Variants in LINGO2 observed in about 807,000 individuals in gnomAD.
The protein encoded by LINGO2 is leucine rich repeat and Ig domain containing 2.
A neutral mutation model predicts 30.6 loss-of-function variants in LINGO2; 14 were observed. The ratio of observed to expected loss-of-function variants is 0.46; its 90% confidence interval spans 0.30 to 0.72. The LOEUF (loss-of-function observed/expected upper bound fraction) is 0.72. Ranked by LOEUF, LINGO2 falls within the 30% of genes least tolerant of loss-of-function variation. LINGO2 has a pLI of 0.07. For missense variants in LINGO2, 729 were observed against 751.7 expected, an observed-to-expected ratio of 0.97 and a Z score of 0.35; for synonymous variants, 317 against 288.5, an observed-to-expected ratio of 1.10 and a Z score of -1.00.
the LINGO2 span, among the ~76,000 whole-genome samples, chr9:29,182,883 A>G: frequency 6.6e-6 from 1 of 152,170 alleles, no homozygotes; most frequent in Admixed American, 6.5e-5. Flanking sequence ...ATAAAAATCC[A>G]CCAAAATTAG....
chr9:28,592,419 A>C (rs1366685505), intron 1 of LINGO2, among the ~76,000 whole-genome samples: 1 of 152,076 alleles, frequency 6.6e-6, no homozygotes, highest in Non-Finnish European at 1.5e-5. Flanking sequence ...AGACTCAAGT[A>C]ATGTCCTAAG....
intron 4 of LINGO2, among the ~76,000 whole-genome samples, chr9:28,034,009 C>A (rs1823810292): frequency 6.6e-6 from 1 of 152,194 alleles, no homozygotes; most frequent in Admixed American, 6.5e-5. Context: ...TGTAGGTCTC[C>A]CTTCTAAGAG....
intron 4 of LINGO2, among the ~76,000 whole-genome samples, chr9:28,141,692 G>A (rs1445845585): frequency 6.6e-5 from 10 of 152,030 alleles, no homozygotes; most frequent in Admixed American, 2.6e-4. Context: ...TGAGGCGGGC[G>A]GATCACGAGG....
intron 1 of LINGO2, among the ~76,000 whole-genome samples, chr9:28,658,765 T>C (rs775683829): frequency 6.6e-6 from 1 of 152,062 alleles, no homozygotes; most frequent in Non-Finnish European, 1.5e-5. Context: ...TTTGGAGTAA[T>C]CACAGCAATA....
chr9:28,279,137 C>G (rs140753151), intron 4 of LINGO2, among the ~76,000 whole-genome samples: 1 of 152,092 alleles, frequency 6.6e-6, no homozygotes, highest in African/African-American at 2.4e-5. Context: ...ATGATCAAAC[C>G]TGAATGGATG....
chr9:28,343,074 G>C (rs1819420062), intron 3 of LINGO2, among the ~76,000 whole-genome samples: 1 of 152,102 alleles, frequency 6.6e-6, no homozygotes, highest in Non-Finnish European at 1.5e-5. Context: ...ATTTTATAAA[G>C]CATATGACAA....
chr9:28,642,931 T>C (rs1484468394), intron 1 of LINGO2, among the ~76,000 whole-genome samples: 1 of 152,104 alleles, frequency 6.6e-6, no homozygotes, highest in Non-Finnish European at 1.5e-5. Context: ...ATATATATGA[T>C]GAATAAATTA....
chr9:28,578,918 G>A (rs973824824), intron 1 of LINGO2, among the ~76,000 whole-genome samples: 5 of 152,130 alleles, frequency 3.3e-5, no homozygotes, highest in East Asian at 1.9e-4. Flanking sequence ...CCCAGTCATG[G>A]TATTGCACTA....
chr9:27,975,498 C>A (rs1278581611), intron 5 of LINGO2, among the ~76,000 whole-genome samples: 1 of 152,038 alleles, frequency 6.6e-6, no homozygotes, highest in Non-Finnish European at 1.5e-5. Flanking sequence ...AATATGATAA[C>A]ATGCTTATAA....
chr9:28,613,914 T>C (rs1160349858), intron 1 of LINGO2, among the ~76,000 whole-genome samples: 5 of 151,762 alleles, frequency 3.3e-5, no homozygotes, highest in African/African-American at 9.7e-5. Context: ...AATGAATGGA[T>C]ACCCAACTTT....
the LINGO2 span, among the ~76,000 whole-genome samples, chr9:28,748,974 A>G: frequency 1.3e-5 from 2 of 152,062 alleles, no homozygotes; most frequent in African/African-American, 4.8e-5. Context: ...TATTATGGTT[A>G]TAATTGTGAA....
At chr9:28,089,804 T>G (rs1005879037) in intron 4 of LINGO2, among the ~76,000 whole-genome samples, 2 of 151,980 alleles carry the variant, frequency 1.3e-5, no homozygotes, top group Non-Finnish European at 2.9e-5. Flanking sequence ...ATCAACAAAA[T>G]TGATAGACTG....
intron 1 of LINGO2, among the ~76,000 whole-genome samples, chr9:28,658,272 A>T (rs1315624566): frequency 1.3e-5 from 2 of 152,064 alleles, no homozygotes; most frequent in Non-Finnish European, 2.9e-5. Flanking sequence ...TGGTGTATAC[A>T]GTTGTTCAAG....
At chr9:28,801,191 T>C in the LINGO2 span, among the ~76,000 whole-genome samples, 3 of 152,050 alleles carry the variant, frequency 2.0e-5, no homozygotes, top group African/African-American at 4.8e-5. Context: ...ATTAGAGCTC[T>C]TGCCAATGGT....
At chr9:28,812,971 G>T in the LINGO2 span, among the ~76,000 whole-genome samples, 11 of 151,680 alleles carry the variant, frequency 7.3e-5, no homozygotes, top group Non-Finnish European at 1.3e-4. Context: ...TATTTCCAAC[G>T]GTTCTAAGAA....
the LINGO2 span, among the ~76,000 whole-genome samples, chr9:28,893,730 C>A: frequency 6.6e-6 from 1 of 151,372 alleles, no homozygotes; most frequent in East Asian, 1.9e-4. Flanking sequence ...GTTATTCACA[C>A]TTTTTTTTAA....
chr9:28,355,495 G>A (rs1250739055), intron 3 of LINGO2, among the ~76,000 whole-genome samples: 3 of 151,146 alleles, frequency 2.0e-5, no homozygotes, highest in Non-Finnish European at 2.9e-5. Flanking sequence ...AACTAAATGT[G>A]TTAGACACCA....
chr9:28,885,352 T>TACACACACACACACACAC, the LINGO2 span, among the ~76,000 whole-genome samples: 7 of 17,952 alleles, frequency 3.9e-4, no homozygotes, highest in Non-Finnish European at 1.1e-3. Context: ...CAGGGAGATA[T>TACACACACACACACACAC]ATATATATAC....
At chr9:28,565,081 C>A (rs1823296547) in intron 1 of LINGO2, among the ~76,000 whole-genome samples, 1 of 152,066 alleles carries the variant, frequency 6.6e-6, no homozygotes, top group African/African-American at 2.4e-5. Flanking sequence ...TTTTCTATTC[C>A]CTCCACCCGT....
Sources: allele counts gnomAD v4.1 joint callset (sites outside exome capture counted in the v4.1 genomes callset), GRCh38; gene constraint gnomAD v4.1.1; transcripts MANE v1.5; gene names NCBI Gene and HGNC (gene_info 2026-07-23, HGNC 2026-07-21).